The following SLC35D4 variants were observed in gnomAD, a reference collection of about 807,000 sequenced individuals.
The protein encoded by SLC35D4 is UDP-N-acetylglucosamine transporter SLC35D4.
the SLC35D4 span, among the ~76,000 whole-genome samples, chr18:23,322,356 A>C: frequency 1.3e-5 from 2 of 152,194 alleles, no homozygotes; most frequent in Non-Finnish European, 2.9e-5. Context: ...CCTTGTCCAT[A>C]TGTTCTCTTG....
chr18:23,421,227 G>C, the SLC35D4 span: 1 of 724,562 alleles, frequency 1.4e-6, no homozygotes, highest in Non-Finnish European at 2.2e-6. Context: ...CTGGGAGACA[G>C]TGAGACTCTG....
the SLC35D4 span, among the ~76,000 whole-genome samples, chr18:23,396,436 C>T: frequency 3.3e-5 from 5 of 152,072 alleles, no homozygotes; most frequent in African/African-American, 9.7e-5. Context: ...TTCTAAGCAA[C>T]GATGTAAAAA....
chr18:23,262,471 A>G, the SLC35D4 span, among the ~76,000 whole-genome samples: 1 of 152,378 alleles, frequency 6.6e-6, no homozygotes, highest in Admixed American at 6.5e-5. Flanking sequence ...CCTTGGGGAC[A>G]TCACAAATGG....
At chr18:23,364,920 AAAAAAAAAAAAAAG>A in the SLC35D4 span, among the ~76,000 whole-genome samples, 59 of 2,320 alleles carry the variant, frequency 0.025, 7 homozygotes, top group Non-Finnish European at 0.19. Context: ...AAAAAAAAAA[AAAAAAAAAAAAAAG>A]GACTCCTTTC....
the SLC35D4 span, among the ~76,000 whole-genome samples, chr18:23,387,320 T>A: frequency 1.3e-5 from 2 of 152,140 alleles, no homozygotes; most frequent in Non-Finnish European, 2.9e-5. Flanking sequence ...CACCTGCTAG[T>A]GGGGCAAGGT....
chr18:23,345,601 TC>T, the SLC35D4 span, among the ~76,000 whole-genome samples: 1 of 152,030 alleles, frequency 6.6e-6, no homozygotes, highest in African/African-American at 2.4e-5. Flanking sequence ...TCTTGATTAT[TC>T]TAGCTTAGTA....
chr18:23,265,179 A>C, the SLC35D4 span, among the ~76,000 whole-genome samples: 1 of 152,290 alleles, frequency 6.6e-6, no homozygotes, highest in Non-Finnish European at 1.5e-5. Context: ...CTTGCCCTCC[A>C]GCTTCTGGTT....
the SLC35D4 span, among the ~76,000 whole-genome samples, chr18:23,420,208 CAGG>C: frequency 1.3e-5 from 2 of 152,102 alleles, no homozygotes; most frequent in Admixed American, 6.5e-5. Context: ...GAGGCTGAGG[CAGG>C]AGAATTGCTT....
chr18:23,389,728 G>A, the SLC35D4 span, among the ~76,000 whole-genome samples: 7 of 152,142 alleles, frequency 4.6e-5, no homozygotes, highest in Non-Finnish European at 1.0e-4. Flanking sequence ...TAGTAGAGAT[G>A]AGGTTTTGCC....
chr18:23,334,527 G>A, the SLC35D4 span, among the ~76,000 whole-genome samples: 2 of 152,294 alleles, frequency 1.3e-5, no homozygotes, highest in African/African-American at 4.8e-5. Flanking sequence ...AACTTTTCTT[G>A]TTGCATACTT....
the SLC35D4 span, chr18:23,430,621 A>G: frequency 6.2e-7 from 1 of 1,604,622 alleles, no homozygotes; most frequent in South Asian, 1.1e-5. Flanking sequence ...AGAGCAAAGA[A>G]GATACTCACC....
At chr18:23,354,056 G>A in the SLC35D4 span, among the ~76,000 whole-genome samples, 2 of 152,212 alleles carry the variant, frequency 1.3e-5, no homozygotes, top group African/African-American at 4.8e-5. Flanking sequence ...GTGGACAGAT[G>A]TAGTTGCCTG....
At chr18:23,285,728 A>C in the SLC35D4 span, among the ~76,000 whole-genome samples, 1 of 151,652 alleles carries the variant, frequency 6.6e-6, no homozygotes, top group East Asian at 1.9e-4. Context: ...CTAAGTCCCA[A>C]TTCTTCCTCA....
At chr18:23,305,198 C>T in the SLC35D4 span, among the ~76,000 whole-genome samples, 1 of 152,208 alleles carries the variant, frequency 6.6e-6, no homozygotes, top group African/African-American at 2.4e-5. Flanking sequence ...AGTTCCTGAA[C>T]AGGAATTAGG....
the SLC35D4 span, chr18:23,297,561 A>G: frequency 1.3e-5 from 2 of 151,534 alleles, no homozygotes; most frequent in African/African-American, 2.4e-5. Context: ...TAAAAATGAA[A>G]AAAAAAAAAG....
At chr18:23,253,315 T>C in the SLC35D4 span, among the ~76,000 whole-genome samples, 1 of 152,136 alleles carries the variant, frequency 6.6e-6, no homozygotes, top group African/African-American at 2.4e-5. Context: ...AAATCCCGTC[T>C]CTACTAAAAA....
the SLC35D4 span, chr18:23,356,509 T>G: frequency 7.1e-7 from 1 of 1,406,512 alleles, no homozygotes; most frequent in African/African-American, 1.4e-5. The surrounding 1 kb of genome is among the most constrained non-coding windows in gnomAD (Gnocchi z 4.1). Context: ...CTCACTCAGG[T>G]CACTAGCAGT....
At chr18:23,271,162 T>A in the SLC35D4 span, among the ~76,000 whole-genome samples, 1 of 152,226 alleles carries the variant, frequency 6.6e-6, no homozygotes, top group Non-Finnish European at 1.5e-5. Context: ...CAAGATCTGA[T>A]GGTTTTATAA....
chr18:23,340,945 C>A, the SLC35D4 span, among the ~76,000 whole-genome samples: 1 of 152,224 alleles, frequency 6.6e-6, no homozygotes, highest in Non-Finnish European at 1.5e-5. Flanking sequence ...AGGCACTACT[C>A]AATCCAGGAA....
Sources: gnomAD v4.1 joint callset for allele counts (sites outside exome capture counted in the v4.1 genomes callset) on GRCh38, gnomAD v4.1.1 for gene constraint, Gnocchi (gnomAD v3.1) non-coding constraint, MANE v1.5 for transcripts, NCBI Gene and HGNC (gene_info 2026-07-23, HGNC 2026-07-21) for gene names.